ZNF92: variants seen among roughly 807,000 people sequenced by gnomAD.
ZNF92 encodes the protein epididymis luminal protein 203.
Under a neutral mutation model 12.4 loss-of-function variants are expected in ZNF92, and 11 were observed. That is an observed-to-expected ratio of 0.89 (90% CI 0.56 to 1.47). The LOEUF (loss-of-function observed/expected upper bound fraction) is 1.47, where lower values mean the gene tolerates loss of function less well. ZNF92 is among the 40% of genes most tolerant of loss of function. ZNF92 has a pLI of 0.00. For missense variants in ZNF92, 622 were observed against 681.0 expected (o/e 0.91, Z 0.96); for synonymous variants, 206 against 228.6 (o/e 0.90, Z 0.89).
intron 2 of ZNF92, 158 bp downstream of exon 2, chr7:65,388,186 A>G (rs1793624459): frequency 2.8e-6 from 2 of 713,660 alleles, no homozygotes; most frequent in South Asian, 2.0e-5. Flanking sequence ...AACTTCTTCA[A>G]GATGTTTCAT....
intron 1 of ZNF92, among the ~76,000 whole-genome samples, chr7:65,381,279 C>G (rs2116347400): frequency 6.6e-6 from 1 of 152,154 alleles, no homozygotes; most frequent in East Asian, 1.9e-4. Flanking sequence ...TCCCAGAGTG[C>G]TAGGATTACA....
chr7:65,375,949 A>T (rs1041639029), intron 1 of ZNF92, among the ~76,000 whole-genome samples: 1 of 151,506 alleles, frequency 6.6e-6, no homozygotes, highest in African/African-American at 2.4e-5. Flanking sequence ...GTCTCCCTCT[A>T]TTGCCCAGGC....
chr7:65,378,895 C>T (rs1262954670), intron 1 of ZNF92, among the ~76,000 whole-genome samples: 2 of 152,094 alleles, frequency 1.3e-5, no homozygotes, highest in East Asian at 3.9e-4. Flanking sequence ...GTGGTTCTTT[C>T]CATAAACTGT....
In ZNF92 at chr7:65,399,131, A is replaced by G; in HGVS notation, c.1017A>G (p.Lys339=). Residue 339 remains lysine (K), a synonymous_variant, in exon 4 of 4, where the codon AAA becomes AAG. Transcript: ENST00000328747. ...ATAAGATAATCCATACTGGGGAAAA[A>G]CCATACAAATGTGAAGAATGTGGCA... ...KKHKIIHTGE[K]PYKCEECGKA... is the part of the protein sequence containing the mutation. 3.1e-6 allele frequency: 5 copies of G among 1,612,910 alleles called. No homozygotes were observed. The highest frequency in any genetic ancestry group is 4.2e-6 in the Non-Finnish European group (5 of 1,179,470).
At chr7:65,389,461 A>G (rs1444986809) in intron 3 of ZNF92, among the ~76,000 whole-genome samples, 1 of 152,034 alleles carries the variant, frequency 6.6e-6, no homozygotes, top group Non-Finnish European at 1.5e-5. Context: ...CTACTTTTCC[A>G]TTGCTTTTGA....
At chr7:65,390,485 G>A (rs1793683724) in intron 3 of ZNF92, among the ~76,000 whole-genome samples, 1 of 152,020 alleles carries the variant, frequency 6.6e-6, no homozygotes, top group Non-Finnish European at 1.5e-5. Context: ...AGTGGAGAGG[G>A]GTGTAGCTTG....
intron 3 of ZNF92, among the ~76,000 whole-genome samples, chr7:65,397,179 C>T (rs1437245700): frequency 3.3e-5 from 5 of 151,930 alleles, no homozygotes; most frequent in Non-Finnish European, 7.4e-5. Flanking sequence ...CTGGTTATCT[C>T]GTAAGAGTAT....
intron 1 of ZNF92, among the ~76,000 whole-genome samples, chr7:65,374,963 G>T (rs1793199685): frequency 1.3e-5 from 2 of 151,952 alleles, no homozygotes; most frequent in South Asian, 2.1e-4. Context: ...TCCCTAATTC[G>T]CATTAGCAAG....
chr7:65,376,628 G>A (rs1361199726), intron 1 of ZNF92, among the ~76,000 whole-genome samples: 1 of 151,984 alleles, frequency 6.6e-6, no homozygotes, highest in Non-Finnish European at 1.5e-5. Flanking sequence ...TGTATTTTTG[G>A]TAGAGACAAG....
Position 65,373,881 on chromosome 7 carries a change from G to A in ZNF92, c.-117G>A. 1.4e-6 allele frequency: 2 copies of A among 1,438,232 alleles called. No homozygotes were observed. Among genetic ancestry groups the A allele is most frequent in the Non-Finnish European group, 9.8e-7 (1 of 1,021,504 alleles). The allele number at this position is 1,438,232 out of a possible 1,614,324, so 89.1% of individuals were successfully genotyped here. A position where few individuals can be genotyped will look rare whatever the true frequency, so the allele number is the denominator to read the frequency against. The stretch of plus-strand genomic sequence containing the variant: ...TCTCTCGCTGCAGCCGGCGCTCCAC[G>A]TCTAGTCTTCACTGCTCTGCGTCCT... On this transcript the variant is annotated 5_prime_UTR_variant, in exon 1 of 4. Transcript: ENST00000328747.
Position 65,400,073 on chromosome 7 carries a change from G to T in ZNF92, c.*198G>T. 1 of 485,492 alleles carries T rather than the reference G, an allele frequency of 2.1e-6. No individual in the cohort carries two copies. The highest frequency in any genetic ancestry group is 3.5e-6 in the Non-Finnish European group (1 of 281,988). 30.1% of individuals were successfully genotyped at this position (485,492 alleles called of 1,614,324 possible). A position where few individuals can be genotyped will look rare whatever the true frequency, so the allele number is the denominator to read the frequency against. On this transcript the variant is annotated 3_prime_UTR_variant, in exon 4 of 4. Transcript: ENST00000328747. ...TTTTAACCAATCCTCACACCTTATT[G>T]CACAGGAAAGCATTTATACTTGAGA...
intron 3 of ZNF92, among the ~76,000 whole-genome samples, chr7:65,389,706 G>C (rs1396462633): frequency 1.3e-5 from 2 of 151,796 alleles, no homozygotes; most frequent in Non-Finnish European, 2.9e-5. Flanking sequence ...TAGTAGAGAT[G>C]GGGTTTCTCC....
intron 3 of ZNF92, 139 bp downstream of exon 3, chr7:65,389,040 A>G: frequency 1.7e-6 from 1 of 580,622 alleles, no homozygotes; most frequent in South Asian, 1.8e-5. Context: ...GCTTACTGCA[A>G]CCTCTGCCTC....
chr7:65,397,892 C>T (rs529418778), intron 3 of ZNF92, among the ~76,000 whole-genome samples: 1 of 152,240 alleles, frequency 6.6e-6, no homozygotes, highest in African/African-American at 2.4e-5. Context: ...ACCACCATTT[C>T]CTTCAGCACT....
chr7:65,380,889 A>G (rs1270448907), intron 1 of ZNF92, among the ~76,000 whole-genome samples: 1 of 151,966 alleles, frequency 6.6e-6, no homozygotes, highest in Admixed American at 6.6e-5. Flanking sequence ...GGTAATTGCC[A>G]TTCTTACTGG....
At chr7:65,391,287 T>A (rs1016567489) in intron 3 of ZNF92, among the ~76,000 whole-genome samples, 2 of 152,042 alleles carry the variant, frequency 1.3e-5, no homozygotes, top group African/African-American at 4.8e-5. Context: ...GCTGACAAAT[T>A]TTCTTGCTGT....
chr7:65,392,488 G>T (rs1308355946), intron 3 of ZNF92, among the ~76,000 whole-genome samples: 1 of 150,270 alleles, frequency 6.7e-6, no homozygotes, highest in Admixed American at 6.7e-5. Flanking sequence ...GCTCACATCT[G>T]TAATCCTCAG....
chr7:65,375,881 G>C (rs1048650958), intron 1 of ZNF92, among the ~76,000 whole-genome samples: 1 of 151,992 alleles, frequency 6.6e-6, no homozygotes, highest in Non-Finnish European at 1.5e-5. Flanking sequence ...GATGGTACAA[G>C]AACTTGCAAA....
Position 65,399,816 on chromosome 7 carries a change from G to T in ZNF92, c.1702G>T (p.Glu568Ter). The change falls in exon 4 of 4, where the codon GAA becomes TAA. Residue 568 changes from glutamate to a stop codon, truncating the protein, a stop_gained. Coordinates refer to ENST00000328747, the MANE Select transcript of ZNF92 (RefSeq NM_152626.4). LOFTEE classifies it low-confidence loss of function (END_TRUNC). ...TACTGGAGAGAAACCCTGCAAACAT[G>T]AATGTGGCAGAGCCTTTAACAAATC... ...IYTGEKPCKH[E>*]CGRAFNKSSN... 6.2e-7 allele frequency: 1 copy of T among 1,610,476 alleles called. No individual in the cohort carries two copies. The highest frequency in any genetic ancestry group is 1.1e-5 in the South Asian group (1 of 90,586).
Sources: gnomAD v4.1 joint callset for allele counts (sites outside exome capture counted in the v4.1 genomes callset) on GRCh38, gnomAD v4.1.1 for gene constraint, MANE v1.5 for transcripts, NCBI Gene and HGNC (gene_info 2026-07-23, HGNC 2026-07-21) for gene names.